The following RASEF variants were observed in gnomAD, a reference collection of about 807,000 sequenced individuals.
RASEF encodes ras and EF-hand domain-containing protein.
In RASEF, 68 loss-of-function variants were observed where a neutral mutation model predicts 90.1. The observed-to-expected ratio is 0.75, with a 90% CI of 0.62 to 0.92. RASEF has a LOEUF of 0.92. RASEF is among the 40% of genes least tolerant of loss of function. The pLI is 0.00. For synonymous variants in RASEF, 331 were observed against 345.2 expected (o/e 0.96, Z 0.46); for missense variants, 949 against 937.2 (o/e 1.01, Z -0.16).
intron 16 of RASEF, among the ~76,000 whole-genome samples, chr9:82,984,261 A>T (rs1457481506): frequency 6.6e-6 from 1 of 152,222 alleles, no homozygotes; most frequent in Non-Finnish European, 1.5e-5. Context: ...GGTCAATAAA[A>T]ACACTATTAA....
intron 1 of RASEF, among the ~76,000 whole-genome samples, chr9:83,047,070 C>T (rs1223566635): frequency 6.6e-6 from 1 of 152,000 alleles, no homozygotes; most frequent in Non-Finnish European, 1.5e-5. Flanking sequence ...CAGAAGACAC[C>T]CCAAAACAAA....
chr9:83,013,158 A>G (rs1829278989), intron 4 of RASEF, among the ~76,000 whole-genome samples: 1 of 152,200 alleles, frequency 6.6e-6, no homozygotes, highest in Admixed American at 6.5e-5. Context: ...CAAACTCGTT[A>G]CAATTACCAG....
chr9:83,177,727 G>A, the RASEF span, among the ~76,000 whole-genome samples: 1 of 151,820 alleles, frequency 6.6e-6, no homozygotes, highest in Admixed American at 6.6e-5. Flanking sequence ...CTGTGTGTGG[G>A]TCTTTTCGTA....
the RASEF span, among the ~76,000 whole-genome samples, chr9:83,211,804 G>GGTCCAC: frequency 6.6e-6 from 1 of 152,188 alleles, no homozygotes; most frequent in Non-Finnish European, 1.5e-5. Context: ...GATCCAGAAA[G>GGTCCAC]TAGGACCACA....
the RASEF span, among the ~76,000 whole-genome samples, chr9:83,106,954 A>G: frequency 1.3e-5 from 2 of 152,182 alleles, no homozygotes; most frequent in Non-Finnish European, 2.9e-5. Flanking sequence ...CCACATGAAC[A>G]TTATCCATGT....
chr9:83,064,078 T>C (rs73651026), upstream of RASEF, among the ~76,000 whole-genome samples: 909 of 152,380 alleles, frequency 6.0e-3, 16 homozygotes, highest in African/African-American at 0.02. Context: ...TTCTGGATTC[T>C]CTTTATCGTT....
At position 83,009,669 on chromosome 9, in the gene RASEF, A is replaced by C. The variant is rs763706260; in HGVS notation, c.931T>G (p.Tyr311Asp). ...TCAGTATTCAGACTCTGATCAGCAT[A>C]ATCACTTTTCAAAGCATCTAACTCA... is the stretch of plus-strand genomic sequence containing the variant. The part of the protein sequence containing the change: ...QSELDALKSD[Y>D]ADQSLNTERD... Residue 311 changes from tyrosine (Y) to aspartate (D), a missense_variant, in exon 6 of 17, where the codon TAT (tyrosine) becomes GAT (aspartate). Coordinates refer to ENST00000376447, the MANE Select transcript of RASEF (RefSeq NM_152573.4). The C allele has an allele frequency of 1.9e-6, 3 of 1,610,356 alleles. No homozygotes were observed. The highest frequency in any genetic ancestry group is 1.3e-5 in the African/African-American group (1 of 74,866).
chr9:83,000,411 G>C, intron 11 of RASEF, 22 bp downstream of exon 11: 2 of 1,612,438 alleles, frequency 1.2e-6, no homozygotes, highest in Non-Finnish European at 1.7e-6. Context: ...TCATGAATAG[G>C]AGTGTCTCGG....
intron 12 of RASEF, among the ~76,000 whole-genome samples, 181 bp downstream of exon 12, chr9:82,999,982 GAGACAC>G: frequency 9.2e-6 from 1 of 109,204 alleles, no homozygotes; most frequent in African/African-American, 3.8e-5. Context: ...CATAGACTAG[GAGACAC>G]ACACACACAC....
At chr9:82,983,856 C>T (rs758286827) in intron 16 of RASEF, among the ~76,000 whole-genome samples, 4 of 152,190 alleles carry the variant, frequency 2.6e-5, no homozygotes, top group African/African-American at 7.2e-5. Flanking sequence ...AGTGAAGCCA[C>T]GAGAAGCACC....
At chr9:83,181,062 T>C in the RASEF span, among the ~76,000 whole-genome samples, 1 of 150,920 alleles carries the variant, frequency 6.6e-6, no homozygotes, top group African/African-American at 2.4e-5. Flanking sequence ...TTTTAATTAT[T>C]AGGCACCCCT....
At chr9:83,184,302 G>A in the RASEF span, among the ~76,000 whole-genome samples, 1 of 152,170 alleles carries the variant, frequency 6.6e-6, no homozygotes, top group African/African-American at 2.4e-5. Context: ...GACACCGGGG[G>A]CAAAGGAACA....
At chr9:83,045,855 A>C (rs1023256159) in intron 1 of RASEF, among the ~76,000 whole-genome samples, 2 of 152,194 alleles carry the variant, frequency 1.3e-5, no homozygotes, top group African/African-American at 4.8e-5. Context: ...ACAGCAGGCT[A>C]CAGAGGAATG....
intron 1 of RASEF, among the ~76,000 whole-genome samples, chr9:83,037,926 T>A (rs1183369368): frequency 6.6e-6 from 1 of 152,068 alleles, no homozygotes; most frequent in Non-Finnish European, 1.5e-5. Context: ...AGGAAGACAC[T>A]AAGGAATTAA....
At chr9:83,126,505 T>C in the RASEF span, among the ~76,000 whole-genome samples, 1 of 152,214 alleles carries the variant, frequency 6.6e-6, no homozygotes, top group Non-Finnish European at 1.5e-5. Flanking sequence ...TTACAGGTTT[T>C]CCCTTGAAGG....
At chr9:83,015,014 G>A (rs1679374487) in intron 4 of RASEF, among the ~76,000 whole-genome samples, 1 of 152,090 alleles carries the variant, frequency 6.6e-6, no homozygotes, top group Non-Finnish European at 1.5e-5. Flanking sequence ...TCACATCTTT[G>A]CTCACACTTC....
the RASEF span, among the ~76,000 whole-genome samples, chr9:83,132,865 A>G: frequency 6.6e-6 from 1 of 152,224 alleles, no homozygotes; most frequent in Non-Finnish European, 1.5e-5. Context: ...ATGGTAATAA[A>G]TTGAAGAACA....
At chr9:83,167,222 A>G in the RASEF span, among the ~76,000 whole-genome samples, 5 of 152,058 alleles carry the variant, frequency 3.3e-5, no homozygotes, top group African/African-American at 1.2e-4. Flanking sequence ...TAAATAAGGA[A>G]TGAGTAGATA....
intron 8 of RASEF, 48 bp downstream of exon 8, chr9:83,005,368 C>T (rs79144965): frequency 0.013 from 17,861 of 1,334,818 alleles, 393 homozygotes; most frequent in South Asian, 0.069. Context: ...CACCAAAATA[C>T]TCCACCACTA....
Sources: allele counts gnomAD v4.1 joint callset (sites outside exome capture counted in the v4.1 genomes callset), GRCh38; gene constraint gnomAD v4.1.1; transcripts MANE v1.5; gene names NCBI Gene and HGNC (gene_info 2026-07-23, HGNC 2026-07-21).